Variants in DENND2B observed in about 807,000 individuals in gnomAD.
The protein encoded by DENND2B is DENN domain containing 2B.
DENND2B carries 32 observed loss-of-function variants against 116.0 expected under a neutral mutation model. The observed-to-expected ratio is 0.28, with a 90% CI of 0.21 to 0.37. The LOEUF is 0.37. Ranked by LOEUF, DENND2B falls within the 10% of genes least tolerant of loss-of-function variation. The pLI is 1.00. For missense variants in DENND2B, 1,276 were observed against 1,477.7 expected, an observed-to-expected ratio of 0.86 and a Z score of 2.24; for synonymous variants, 588 against 583.9, an observed-to-expected ratio of 1.01 and a Z score of -0.10.
intron 11 of DENND2B, 66 bp downstream of exon 11, chr11:8,710,753 GCACACACACACACACACACACACACA>G (rs56230708): frequency 1.1e-5 from 9 of 831,594 alleles, no homozygotes; most frequent in East Asian, 2.6e-5. Context: ...TTGCAGAAGG[GCACACACACACACACACACACACACA>G]CACACACACA....
chr11:8,727,325 G>A (rs763474412), intron 3 of DENND2B, among the ~76,000 whole-genome samples: 11 of 152,074 alleles, frequency 7.2e-5, no homozygotes, highest in Non-Finnish European at 1.5e-4. Flanking sequence ...TGTCCTGAAG[G>A]CTACAGCTTG....
At chr11:8,724,653 C>T (rs920947969) in intron 4 of DENND2B, among the ~76,000 whole-genome samples, 4 of 152,200 alleles carry the variant, frequency 2.6e-5, no homozygotes, top group Non-Finnish European at 2.9e-5. Flanking sequence ...TGTCTTCCCA[C>T]CTGTTGGAAG....
chr11:8,859,029 CTG>C (rs2063295706), intron 2 of DENND2B, among the ~76,000 whole-genome samples: 1 of 152,212 alleles, frequency 6.6e-6, no homozygotes, highest in Non-Finnish European at 1.5e-5. Context: ...AGGCTGAAGA[CTG>C]AGCCCTTGGG....
intron 2 of DENND2B, among the ~76,000 whole-genome samples, chr11:8,858,713 G>T (rs2063283384): frequency 6.6e-6 from 1 of 152,194 alleles, no homozygotes; most frequent in African/African-American, 2.4e-5. Context: ...GAGCAGAGGA[G>T]CCAGGACCAG....
chr11:8,801,216 C>G (rs1593894281), intron 1 of DENND2B, among the ~76,000 whole-genome samples: 1 of 152,044 alleles, frequency 6.6e-6, no homozygotes. Context: ...GACTCCCCTT[C>G]TGGTTTATAA....
At chr11:8,908,393 T>A (rs2064266281) in intron 1 of DENND2B, among the ~76,000 whole-genome samples, 1 of 152,186 alleles carries the variant, frequency 6.6e-6, no homozygotes, top group Non-Finnish European at 1.5e-5. Context: ...AGAGCATATT[T>A]TGGGAGACCA....
At chr11:8,898,923 G>T (rs1482050327) in intron 1 of DENND2B, among the ~76,000 whole-genome samples, 1 of 152,096 alleles carries the variant, frequency 6.6e-6, no homozygotes, top group Non-Finnish European at 1.5e-5. Flanking sequence ...AGACTTCAAG[G>T]CAGCTGTTGT....
rs1406456370 is a variant in DENND2B, at chr11:8,715,599, G to T, written c.1845+4C>A. 3 of 1,612,078 alleles carry T rather than the reference G, an allele frequency of 1.9e-6. No homozygotes were observed. Among genetic ancestry groups the T allele is most frequent in the Non-Finnish European group, 1.7e-6 (2 of 1,178,794 alleles). Reference sequence around the variant, plus strand: ...CTCCAGTGGGCTGCCTCTGGGGAGGGTACCTTGGGAATGCGGCGGGCCCGG... The same window carrying T: ...CTCCAGTGGGCTGCCTCTGGGGAGGTTACCTTGGGAATGCGGCGGGCCCGG... On this transcript the variant is annotated splice_donor_region_variant and intron_variant, in intron 6 of 19. Coordinates refer to ENST00000313726, the MANE Select transcript of DENND2B (RefSeq NM_213618.2).
At chr11:8,718,439 T>G (rs2045500588) in intron 4 of DENND2B, 2 of 1,521,056 alleles carry the variant, frequency 1.3e-6, no homozygotes, top group African/African-American at 2.8e-5. Context: ...TACGATGCCG[T>G]TCAACAAGTC....
upstream of DENND2B, among the ~76,000 whole-genome samples, chr11:8,875,777 C>T (rs1441383923): frequency 6.6e-6 from 1 of 151,944 alleles, no homozygotes; most frequent in African/African-American, 2.4e-5. Flanking sequence ...AGATATACAC[C>T]AGGTAAAAAC....
chr11:8,901,601 C>G (rs1021913443), intron 1 of DENND2B, among the ~76,000 whole-genome samples: 1 of 152,148 alleles, frequency 6.6e-6, no homozygotes, highest in Non-Finnish European at 1.5e-5. Context: ...ACATCTAAAG[C>G]TTGGCACTTC....
intron 3 of DENND2B, among the ~76,000 whole-genome samples, chr11:8,847,207 C>T (rs1467126487): frequency 6.6e-6 from 1 of 152,220 alleles, no homozygotes; most frequent in Non-Finnish European, 1.5e-5. Flanking sequence ...ATGGTACAAA[C>T]CACGTTCTAG....
chr11:8,716,217 A>G (rs946782720), intron 5 of DENND2B, among the ~76,000 whole-genome samples: 1 of 152,206 alleles, frequency 6.6e-6, no homozygotes, highest in African/African-American at 2.4e-5. Context: ...GGTTTCTGAC[A>G]GCAGAGGCCA....
intron 3 of DENND2B, among the ~76,000 whole-genome samples, chr11:8,727,769 C>T (rs1301220116): frequency 6.6e-6 from 1 of 152,152 alleles, no homozygotes; most frequent in Non-Finnish European, 1.5e-5. Context: ...GCATCGTATG[C>T]AGGTAGCCCT....
intron 1 of DENND2B, among the ~76,000 whole-genome samples, chr11:8,764,376 A>G (rs2055234831): frequency 6.6e-6 from 1 of 152,202 alleles, no homozygotes; most frequent in South Asian, 2.1e-4. Context: ...GCACACCTAT[A>G]TAGCCAGGCT....
intron 2 of DENND2B, among the ~76,000 whole-genome samples, chr11:8,743,277 C>T (rs1317712485): frequency 2.0e-5 from 3 of 152,024 alleles, no homozygotes; most frequent in Non-Finnish European, 2.9e-5. Flanking sequence ...TGGCCAGGTA[C>T]GGTGGCTCAT....
intron 2 of DENND2B, among the ~76,000 whole-genome samples, chr11:8,746,811 T>G (rs1353117419): frequency 6.6e-6 from 1 of 152,158 alleles, no homozygotes; most frequent in Non-Finnish European, 1.5e-5. Flanking sequence ...CCAGGAGTGC[T>G]CATAGGAAGG....
Position 8,730,909 on chromosome 11 carries a change from C to G in DENND2B, c.381G>C (p.Gly127=), listed in dbSNP as rs199638977. ...GGGCAAGGGGGAGGCAGGCAGCGAC[C>G]CCTGCTACATCCTGGGCTGCGCCTT... is the stretch of plus-strand genomic sequence containing the variant. The part of the protein sequence containing the change: ...SVQGAAQDVA[G]VAACLPLAQS... Residue 127 remains glycine, a synonymous_variant, in exon 3 of 20, where the codon GGG becomes GGC. Transcript: ENST00000313726. The surrounding 1 kb of genome is among the most constrained non-coding windows in gnomAD (Gnocchi z 4.1). 9.0e-5 allele frequency: 146 copies of G among 1,614,030 alleles called. No homozygotes were observed. The highest frequency in any genetic ancestry group is 1.2e-4 in the Non-Finnish European group (136 of 1,180,056).
At chr11:8,698,179 AGT>A (rs1592312221) in intron 16 of DENND2B, among the ~76,000 whole-genome samples, 1 of 134,930 alleles carries the variant, frequency 7.4e-6, no homozygotes, top group African/African-American at 2.6e-5. Flanking sequence ...GGGTAGAGCC[AGT>A]GTGGCATTCA....
Sources: gnomAD v4.1 joint callset for allele counts (sites outside exome capture counted in the v4.1 genomes callset) on GRCh38, gnomAD v4.1.1 for gene constraint, Gnocchi (gnomAD v3.1) non-coding constraint, MANE v1.5 for transcripts, NCBI Gene and HGNC (gene_info 2026-07-23, HGNC 2026-07-21) for gene names.